ZNF316: variants seen among roughly 807,000 people sequenced by gnomAD.
ZNF316 encodes zinc finger protein 316.
Under a neutral mutation model 75.6 loss-of-function variants are expected in ZNF316, and 23 were observed. The observed-to-expected ratio is 0.30, with a 90% CI of 0.22 to 0.43. The LOEUF is 0.43. Ranked by LOEUF, ZNF316 falls within the 20% of genes least tolerant of loss-of-function variation. The pLI is 1.00. For missense variants in ZNF316, 1,266 were observed against 1,409.4 expected (o/e 0.90, Z 1.63); for synonymous variants, 827 against 666.2 (o/e 1.24, Z -3.72).
At position 6,655,767 on chromosome 7, in the gene ZNF316, A is replaced by C. The variant is rs1353587958; in HGVS notation, c.*1156A>C. ...AGGCACCCGTGGCCTGGCAGCTTGCACAGTGGCTGTCCACCTCGGGGGGGT... is the reference window on the plus strand; with the variant it reads ...AGGCACCCGTGGCCTGGCAGCTTGCCCAGTGGCTGTCCACCTCGGGGGGGT... On this transcript the variant is annotated 3_prime_UTR_variant, in exon 9 of 9. Transcript: ENST00000382252. 1 of 146,546 alleles carries C rather than the reference A, an allele frequency of 6.8e-6. No individual in the cohort carries two copies. Among genetic ancestry groups the C allele is most frequent in the Non-Finnish European group, 1.5e-5 (1 of 67,404 alleles). The allele number at this position is 146,546 out of a possible 1,614,324, so 9.1% of individuals were successfully genotyped here. A position where few individuals can be genotyped will look rare whatever the true frequency, so the allele number is the denominator to read the frequency against.
Position 6,654,586 on chromosome 7 carries a change from G to T in ZNF316, c.2990G>T (p.Gly997Val). Residue 997 changes from glycine to valine, a missense_variant, in exon 9 of 9, where the codon GGC (glycine) becomes GTC (valine). By Grantham distance (109) the Gly-to-Val change is moderately radical. This residue lies in a region of ZNF316 where 111 missense variants were observed against 99.2 expected (regional missense o/e 1.12). Coordinates refer to ENST00000382252, the MANE Select transcript of ZNF316 (RefSeq NM_001278559.2). ...EHQAAFAGPS[G>V]AYREGVL ...CAGGCCGCGTTCGCCGGGCCCTCGG[G>T]CGCCTACCGGGAGGGCGTCCTGTGA... The T allele has an allele frequency of 2.5e-6, 3 of 1,186,724 alleles. No individual in the cohort carries two copies. The highest frequency in any genetic ancestry group is 3.1e-6 in the Non-Finnish European group (3 of 959,072). The allele number at this position is 1,186,724 out of a possible 1,614,324, so 73.5% of individuals were successfully genotyped here. A position where few individuals can be genotyped will look rare whatever the true frequency, so the allele number is the denominator to read the frequency against.
rs950480231 is a variant in ZNF316 at position 6,642,759 on chromosome 7, A to G, written c.350A>G (p.Glu117Gly). 8.1e-7 allele frequency: 1 copy of G among 1,233,460 alleles called. No homozygotes were observed. The highest frequency in any genetic ancestry group is 1.0e-6 in the Non-Finnish European group (1 of 989,018). The allele number at this position is 1,233,460 out of a possible 1,614,324, so 76.4% of individuals were successfully genotyped here. A position where few individuals can be genotyped will look rare whatever the true frequency, so the allele number is the denominator to read the frequency against. The change falls in exon 5 of 9, where the codon GAA becomes GGA. Residue 117 changes from glutamate to glycine, a missense_variant. By Grantham distance (98) the Glu-to-Gly change is moderately conservative. Coordinates refer to ENST00000382252, the MANE Select transcript of ZNF316 (RefSeq NM_001278559.2). This position sits in a 1 kb window ranked among gnomAD's most constrained non-coding sequence, Gnocchi z 8.1. ...GATGCCAAGTCCCCAGTTCTTCAGG[A>G]AAAGGGTAAGAAAAGCAGCCAGCCT... ...GGDAKSPVLQ[E>G]KGLQASRAPA...
chr7:6,649,588 G>A lies in ZNF316; in HGVS notation c.707-2715G>A, dbSNP rs771537247. ...ACTCAAGGATGTTCCCGTGGACTTC[G>A]ACAGAGCCTGGCCTGGGGCAGGCTG... On this transcript the variant is annotated intron_variant, in intron 8 of 8. Coordinates refer to ENST00000382252, the MANE Select transcript of ZNF316 (RefSeq NM_001278559.2). Among the ~76,000 whole-genome samples, 200 of 152,180 alleles carry A rather than the reference G, an allele frequency of 1.3e-3. 5 individuals are homozygous for A. The highest frequency in any genetic ancestry group is 3.7e-4 in the Non-Finnish European group (25 of 68,022).
chr7:6,648,030 C>G (rs1330888830), intron 8 of ZNF316, among the ~76,000 whole-genome samples: 1 of 152,206 alleles, frequency 6.6e-6, no homozygotes, highest in Non-Finnish European at 1.5e-5. Flanking sequence ...GCCTCCCACA[C>G]AGTTAAACCA....
chr7:6,637,839 C>G lies in ZNF316; in HGVS notation c.-430-7C>G, dbSNP rs1482808311. On this transcript the variant is annotated splice_polypyrimidine_tract_variant and splice_region_variant and intron_variant, in intron 1 of 8. Coordinates refer to ENST00000382252, the MANE Select transcript of ZNF316 (RefSeq NM_001278559.2). This position sits in a 1 kb window ranked among gnomAD's most constrained non-coding sequence, Gnocchi z 6.2. The stretch of plus-strand genomic sequence containing the variant: ...ACACCCATCCAGGAGGGGCTGTCAT[C>G]GTCTAGGTCTCTGCAGGAGGAGGCG... The G allele has an allele frequency of 6.6e-6, 1 of 152,052 alleles. No homozygotes were observed. The highest frequency in any genetic ancestry group is 1.9e-4 in the East Asian group (1 of 5,134). 9.4% of individuals were successfully genotyped at this position (152,052 alleles called of 1,614,324 possible). A position where few individuals can be genotyped will look rare whatever the true frequency, so the allele number is the denominator to read the frequency against.
rs1277214503 is a variant in ZNF316 at position 6,652,305 on chromosome 7, G to T, written c.709G>T (p.Ala237Ser). Residue 237 changes from alanine (A) to serine (S), a missense_variant and splice_region_variant, in exon 9 of 9, where the codon GCC becomes TCC. Physicochemically the swap from Ala to Ser is moderately conservative, Grantham distance 99. This residue lies in a region of ZNF316 where 961 missense variants were observed against 990.9 expected (regional missense o/e 0.97). Coordinates refer to ENST00000382252, the MANE Select transcript of ZNF316 (RefSeq NM_001278559.2). ...TGGCCTGCCTTTGTCACCTTCAGGA[G>T]CCTGGTTCTGGACGGACGACATAGA... ...GDIVTGVYTG[A>S]WFWTDDIEDH... The T allele has an allele frequency of 1.6e-6, 2 of 1,232,218 alleles. No individual in the cohort carries two copies. Among genetic ancestry groups the T allele is most frequent in the African/African-American group, 1.6e-5 (1 of 64,424 alleles). The allele number at this position is 1,232,218 out of a possible 1,614,324, so 76.3% of individuals were successfully genotyped here. A position where few individuals can be genotyped will look rare whatever the true frequency, so the allele number is the denominator to read the frequency against.
At position 6,652,564 on chromosome 7, in the gene ZNF316, G is replaced by C; in HGVS notation, c.968G>C (p.Gly323Ala). 9 of 1,230,964 alleles carry C rather than the reference G, an allele frequency of 7.3e-6. No homozygotes were observed. The highest frequency in any genetic ancestry group is 9.1e-6 in the Non-Finnish European group (9 of 987,386). 76.3% of individuals were successfully genotyped at this position (1,230,964 alleles called of 1,614,324 possible). Residue 323 changes from glycine to alanine, a missense_variant, in exon 9 of 9, where the codon GGT (glycine) becomes GCT (alanine). Physicochemically the swap from Gly to Ala is moderately conservative, Grantham distance 60. Transcript: ENST00000382252. ...AKPFLPGREP[G>A]ANLLSPWAFP... ...CCTTTCCTGCCCGGCCGGGAGCCGG[G>C]TGCGAACCTGCTGTCGCCCTGGGCG...
At position 6,652,548 on chromosome 7, in the gene ZNF316, C is replaced by T. The variant is rs1267225468; in HGVS notation, c.952C>T (p.Pro318Ser). The T allele has an allele frequency of 4.7e-5, 58 of 1,230,978 alleles. No individual in the cohort carries two copies. The highest frequency in any genetic ancestry group is 5.8e-5 in the Non-Finnish European group (57 of 987,492). 76.3% of individuals were successfully genotyped at this position (1,230,978 alleles called of 1,614,324 possible). The change falls in exon 9 of 9, where the codon CCC becomes TCC. Residue 318 changes from proline to serine, a missense_variant. Around this residue, in one of 3 missense-constraint regions of ZNF316, gnomAD observed 961 missense variants for 990.9 expected, o/e 0.97. Coordinates refer to ENST00000382252, the MANE Select transcript of ZNF316 (RefSeq NM_001278559.2). Reference protein sequence around the residue: ...ADGSEAKPFLPGREPGANLLS... With the variant: ...ADGSEAKPFLSGREPGANLLS... ...CGGCTCTGAAGCGAAGCCTTTCCTG[C>T]CCGGCCGGGAGCCGGGTGCGAACCT...
rs1010929340 is a variant in ZNF316, at chr7:6,656,896, C to A, written c.*2285C>A. Among the ~76,000 whole-genome samples, 2 of 152,174 alleles carry A rather than the reference C, an allele frequency of 1.3e-5. No homozygotes were observed. The highest frequency in any genetic ancestry group is 2.4e-5 in the African/African-American group (1 of 41,442). On this transcript the variant is annotated 3_prime_UTR_variant, in exon 9 of 9. Transcript: ENST00000382252. ...TCCCTTAAAGCTGATTGGTTGATTTCTTTATTCTTATCACATGGTAGCCCA... is the reference window on the plus strand; with the variant it reads ...TCCCTTAAAGCTGATTGGTTGATTTATTTATTCTTATCACATGGTAGCCCA...
rs1324425769 is a variant in ZNF316 at position 6,654,267 on chromosome 7, G to C, written c.2671G>C (p.Glu891Gln). Residue 891 changes from glutamate to glutamine, a missense_variant, in exon 9 of 9, where the codon GAG (glutamate) becomes CAG (glutamine). Physicochemically the swap from Glu to Gln is conservative, Grantham distance 29. Coordinates refer to ENST00000382252, the MANE Select transcript of ZNF316 (RefSeq NM_001278559.2). Reference protein sequence around the residue: ...HTGERPFPCPECGKRFSQRSV... With the variant: ...HTGERPFPCPQCGKRFSQRSV... ...GGGCGAACGCCCCTTCCCGTGCCCT[G>C]AGTGCGGCAAGCGCTTTTCGCAGCG... 13 of 1,224,112 alleles carry C rather than the reference G, an allele frequency of 1.1e-5. No homozygotes were observed. The highest frequency in any genetic ancestry group is 3.1e-5 in the African/African-American group (2 of 63,842). 75.8% of individuals were successfully genotyped at this position (1,224,112 alleles called of 1,614,324 possible). A position where few individuals can be genotyped will look rare whatever the true frequency, so the allele number is the denominator to read the frequency against.
chr7:6,643,630 C>T (rs1779349742), intron 6 of ZNF316, among the ~76,000 whole-genome samples, 192 bp from the exon 7 acceptor site: 1 of 152,158 alleles, frequency 6.6e-6, no homozygotes, highest in African/African-American at 2.4e-5. Flanking sequence ...CGTCTTTGAG[C>T]TTGAGTCCCC....
chr7:6,644,476 G>T lies in ZNF316; in HGVS notation c.593-4G>T. ...CCTGCAGCCGCCGTCTGTTCTCCTG[G>T]CAGGATACCCAATTCCCAAGCCCGA... On this transcript the variant is annotated splice_polypyrimidine_tract_variant and splice_region_variant and intron_variant, in intron 7 of 8. Coordinates refer to ENST00000382252, the MANE Select transcript of ZNF316 (RefSeq NM_001278559.2). 20 of 1,231,836 alleles carry T rather than the reference G, an allele frequency of 1.6e-5. No homozygotes were observed. Among genetic ancestry groups the T allele is most frequent in the Non-Finnish European group, 2.0e-5 (20 of 987,662 alleles). 76.3% of individuals were successfully genotyped at this position (1,231,836 alleles called of 1,614,324 possible).
chr7:6,640,765 T>G lies in ZNF316; in HGVS notation c.-166-1060T>G, dbSNP rs1400139603. On this transcript the variant is annotated intron_variant, in intron 3 of 8. Coordinates refer to ENST00000382252, the MANE Select transcript of ZNF316 (RefSeq NM_001278559.2). This position sits in a 1 kb window ranked among gnomAD's most constrained non-coding sequence, Gnocchi z 5.1. ...GGATTGGCCCATGGAGGCGGATCCCTCATGAATGGTCTAGCACCGTCCCCT... is the reference window on the plus strand; with the variant it reads ...GGATTGGCCCATGGAGGCGGATCCCGCATGAATGGTCTAGCACCGTCCCCT... Among the ~76,000 whole-genome samples the G allele has an allele frequency of 2.0e-5, 3 of 152,206 alleles. No individual in the cohort carries two copies. Among genetic ancestry groups the G allele is most frequent in the Non-Finnish European group, 4.4e-5 (3 of 68,032 alleles).
At chr7:6,649,669 G>C (rs988737177) in intron 8 of ZNF316, among the ~76,000 whole-genome samples, 2 of 152,108 alleles carry the variant, frequency 1.3e-5, no homozygotes, top group Non-Finnish European at 2.9e-5. Flanking sequence ...GCTCCCCTTA[G>C]AGTGCAGCCC....
chr7:6,654,258 C>T lies in ZNF316; in HGVS notation c.2662C>T (p.Pro888Ser). The T allele has an allele frequency of 5.7e-6, 7 of 1,223,742 alleles. No homozygotes were observed. The highest frequency in any genetic ancestry group is 3.3e-5 in the East Asian group (1 of 30,624). The allele number at this position is 1,223,742 out of a possible 1,614,324, so 75.8% of individuals were successfully genotyped here. ...CGGCCACACGGGCGAACGCCCCTTC[C>T]CGTGCCCTGAGTGCGGCAAGCGCTT... is the stretch of plus-strand genomic sequence containing the variant. ...RRGHTGERPF[P>S]CPECGKRFSQ... The change falls in exon 9 of 9, where the codon CCG becomes TCG. Residue 888 changes from proline (P) to serine (S), a missense_variant. Around this residue, in one of 3 missense-constraint regions of ZNF316, gnomAD observed 194 missense variants for 319.2 expected, o/e 0.61. Transcript: ENST00000382252.
chr7:6,652,577 G>A lies in ZNF316; in HGVS notation c.981G>A (p.Leu327=), dbSNP rs1220302886. The change falls in exon 9 of 9, where the codon CTG becomes CTA. Residue 327 remains leucine (L), a synonymous_variant. Coordinates refer to ENST00000382252, the MANE Select transcript of ZNF316 (RefSeq NM_001278559.2). ...GCCGGGAGCCGGGTGCGAACCTGCTGTCGCCCTGGGCGTTCCCCGCCGCAG... is the reference window on the plus strand; with the variant it reads ...GCCGGGAGCCGGGTGCGAACCTGCTATCGCCCTGGGCGTTCCCCGCCGCAG... ...LPGREPGANL[L]SPWAFPAAVA... 4.9e-6 allele frequency: 6 copies of A among 1,230,690 alleles called. No individual in the cohort carries two copies. The highest frequency in any genetic ancestry group is 4.2e-5 in the Admixed American group (1 of 23,660). 76.2% of individuals were successfully genotyped at this position (1,230,690 alleles called of 1,614,324 possible).
intron 2 of ZNF316, among the ~76,000 whole-genome samples, chr7:6,638,253 A>T (rs1779254126): frequency 6.6e-6 from 1 of 151,274 alleles, no homozygotes; most frequent in Non-Finnish European, 1.5e-5. Flanking sequence ...GGGGAACCTG[A>T]GATGGCCCCC....
intron 8 of ZNF316, among the ~76,000 whole-genome samples, chr7:6,652,061 C>T (rs1030278406): frequency 9.9e-5 from 15 of 152,168 alleles, no homozygotes; most frequent in African/African-American, 3.6e-4. Flanking sequence ...GGGACAGTTT[C>T]AGGTGCTGCG....
At position 6,652,654 on chromosome 7, in the gene ZNF316, T is replaced by C. The variant is rs1779531054; in HGVS notation, c.1058T>C (p.Val353Ala). 8.1e-7 allele frequency: 1 copy of C among 1,231,008 alleles called. No homozygotes were observed. The highest frequency in any genetic ancestry group is 1.6e-5 in the African/African-American group (1 of 64,390). 76.3% of individuals were successfully genotyped at this position (1,231,008 alleles called of 1,614,324 possible). Residue 353 changes from valine (V) to alanine (A), a missense_variant, in exon 9 of 9, where the codon GTC (valine) becomes GCC (alanine). Around this residue, in one of 3 missense-constraint regions of ZNF316, gnomAD observed 961 missense variants for 990.9 expected, o/e 0.97. Coordinates refer to ENST00000382252, the MANE Select transcript of ZNF316 (RefSeq NM_001278559.2). Reference protein sequence around the residue: ...PETTCDVCGKVFPHRSRLAKH... With the variant: ...PETTCDVCGKAFPHRSRLAKH... ...ACCACGTGCGACGTGTGCGGCAAGG[T>C]CTTCCCGCACCGCTCGCGGCTGGCC...
Sources: allele counts gnomAD v4.1 joint callset (sites outside exome capture counted in the v4.1 genomes callset), GRCh38; gene constraint gnomAD v4.1.1; regional missense constraint gnomAD v4.1.1; non-coding constraint Gnocchi (gnomAD v3.1); transcripts MANE v1.5; gene names NCBI Gene and HGNC (gene_info 2026-07-23, HGNC 2026-07-21).